CBLB: variants seen among roughly 807,000 people sequenced by gnomAD.
The protein encoded by CBLB is Cbl proto-oncogene B, also known as E3 ubiquitin-protein ligase CBL-B.
CBLB carries 31 observed loss-of-function variants against 104.9 expected under a neutral mutation model. That is an observed-to-expected ratio of 0.30 (90% CI 0.22 to 0.40). CBLB has a LOEUF of 0.40. Among genes scored for constraint, CBLB ranks in the 10% least tolerant of loss-of-function variants. The probability of loss-of-function intolerance (pLI) is 1.00; values close to 1 mark genes in which losing one functional copy is unlikely to be tolerated. For missense variants in CBLB, 1,062 were observed against 1,214.6 expected (o/e 0.87, Z 1.87); for synonymous variants, 440 against 422.6 (o/e 1.04, Z -0.51).
At chr3:105,859,488 A>G (rs2091912236) in intron 2 of CBLB, among the ~76,000 whole-genome samples, 1 of 152,068 alleles carries the variant, frequency 6.6e-6, no homozygotes, top group Non-Finnish European at 1.5e-5. Flanking sequence ...TGTTTCTACT[A>G]AAAATACAAA....
At chr3:105,737,057 T>C (rs1426847923) in intron 8 of CBLB, 114 bp downstream of exon 8, 5 of 475,398 alleles carry the variant, frequency 1.1e-5, no homozygotes, top group African/African-American at 7.9e-5. Flanking sequence ...ATTCCTTAAG[T>C]ATATTTTGTA....
At chr3:105,666,241 A>G (rs905803141) in intron 18 of CBLB, among the ~76,000 whole-genome samples, 3 of 152,166 alleles carry the variant, frequency 2.0e-5, no homozygotes, top group Non-Finnish European at 2.9e-5. Context: ...TATAACAATA[A>G]CAGAATTAGA....
chr3:105,737,531 T>C (rs1421460120), intron 7 of CBLB, among the ~76,000 whole-genome samples: 2 of 152,150 alleles, frequency 1.3e-5, no homozygotes, highest in African/African-American at 2.4e-5. Context: ...ATGTCTCTTA[T>C]ATAAGTTAAG....
At chr3:105,731,016 A>G (rs1353146513) in intron 9 of CBLB, among the ~76,000 whole-genome samples, 2 of 152,224 alleles carry the variant, frequency 1.3e-5, no homozygotes, top group East Asian at 3.8e-4. Context: ...ACAACTTACT[A>G]ACATTACTGA....
chr3:105,658,334 T>G lies in CBLB; in HGVS notation c.*636A>C. The G allele has an allele frequency of 4.5e-6, 1 of 222,448 alleles. No homozygotes were observed. The highest frequency in any genetic ancestry group is 9.0e-6 in the Non-Finnish European group (1 of 111,058). The allele number at this position is 222,448 out of a possible 1,614,324, so 13.8% of individuals were successfully genotyped here. A position where few individuals can be genotyped will look rare whatever the true frequency, so the allele number is the denominator to read the frequency against. On this transcript the variant is annotated 3_prime_UTR_variant, in exon 19 of 19. Transcript: ENST00000394030. ...TAAATGCTTTATACATTCAGGTTTT[T>G]CCCATCTCTCAATAGTGATGGTTTC... is the stretch of plus-strand genomic sequence containing the variant.
At chr3:105,832,382 A>G (rs561277479) in intron 3 of CBLB, among the ~76,000 whole-genome samples, 1 of 152,346 alleles carries the variant, frequency 6.6e-6, no homozygotes, top group East Asian at 1.9e-4. Flanking sequence ...TAACGTGGAA[A>G]GTGGTTTTAC....
At chr3:105,781,162 C>G (rs189825105) in intron 3 of CBLB, among the ~76,000 whole-genome samples, 2 of 152,210 alleles carry the variant, frequency 1.3e-5, no homozygotes, top group East Asian at 3.9e-4. Flanking sequence ...ACGTCATCAT[C>G]TAAGCAACAA....
At chr3:105,796,383 G>C (rs2082258427) in intron 3 of CBLB, among the ~76,000 whole-genome samples, 3 of 152,084 alleles carry the variant, frequency 2.0e-5, no homozygotes, top group Non-Finnish European at 4.4e-5. Context: ...AGGCAAACTG[G>C]CTAGCATGCA....
At chr3:105,835,116 C>G (rs1319853272) in intron 3 of CBLB, among the ~76,000 whole-genome samples, 2 of 152,114 alleles carry the variant, frequency 1.3e-5, no homozygotes, top group African/African-American at 2.4e-5. Context: ...ATTGCTTTTT[C>G]CAGGTTCTTG....
At chr3:105,675,773 T>A (rs567064585) in intron 17 of CBLB, among the ~76,000 whole-genome samples, 1 of 150,670 alleles carries the variant, frequency 6.6e-6, no homozygotes, top group African/African-American at 2.4e-5. Flanking sequence ...TAATCCCAGC[T>A]ACTTAGGGGG....
At chr3:105,841,502 G>A (rs2089542179) in intron 3 of CBLB, among the ~76,000 whole-genome samples, 16 of 151,760 alleles carry the variant, frequency 1.1e-4, no homozygotes, top group Admixed American at 1.0e-3. Flanking sequence ...GCCCAGGCTG[G>A]AGTGCAGTGG....
chr3:105,715,566 G>T (rs959467781), intron 10 of CBLB, among the ~76,000 whole-genome samples: 7 of 152,152 alleles, frequency 4.6e-5, no homozygotes, highest in Non-Finnish European at 1.0e-4. Context: ...CTCATTTAAA[G>T]AATGTAATAT....
At chr3:105,867,861 A>G (rs902418694) in intron 1 of CBLB, among the ~76,000 whole-genome samples, 9 of 150,076 alleles carry the variant, frequency 6.0e-5, no homozygotes, top group African/African-American at 2.2e-4. Context: ...GCTAAGGCTG[A>G]ACTAATACTC....
chr3:105,719,633 T>A (rs924099261), intron 10 of CBLB, among the ~76,000 whole-genome samples: 1 of 152,224 alleles, frequency 6.6e-6, no homozygotes, highest in Non-Finnish European at 1.5e-5. Context: ...CACATATACT[T>A]GTGTACAGTA....
At chr3:105,808,017 C>A (rs933146775) in intron 3 of CBLB, among the ~76,000 whole-genome samples, 1 of 152,080 alleles carries the variant, frequency 6.6e-6, no homozygotes, top group Non-Finnish European at 1.5e-5. Flanking sequence ...AACAAGCCAC[C>A]AATAAGGAAC....
chr3:105,864,460 C>T (rs115698308), intron 2 of CBLB, among the ~76,000 whole-genome samples: 2,261 of 152,308 alleles, frequency 0.015, 27 homozygotes, highest in Non-Finnish European at 0.024. Flanking sequence ...ATTAATACTT[C>T]TATCACTGTA....
chr3:105,678,588 G>A lies in CBLB; in HGVS notation c.2429-17C>T. 3 of 1,609,484 alleles carry A rather than the reference G, an allele frequency of 1.9e-6. No individual in the cohort carries two copies. Among genetic ancestry groups the A allele is most frequent in the Non-Finnish European group, 2.5e-6 (3 of 1,177,270 alleles). On this transcript the variant is annotated splice_polypyrimidine_tract_variant and intron_variant, in intron 16 of 18. Transcript: ENST00000394030. ...CATCTTCACCTGCATTTAAAGAAAG[G>A]TCGATATCAGCAGCAGAACTTCATT...
chr3:105,742,966 ATGTATATAAG>A (rs2075755433), intron 6 of CBLB, among the ~76,000 whole-genome samples: 1 of 152,182 alleles, frequency 6.6e-6, no homozygotes, highest in Non-Finnish European at 1.5e-5. Flanking sequence ...CAAGCAATTC[ATGTATATAAG>A]AGATAGTAAT....
intron 3 of CBLB, among the ~76,000 whole-genome samples, chr3:105,794,958 C>T (rs1478786561): frequency 4.0e-5 from 6 of 151,322 alleles, no homozygotes; most frequent in Non-Finnish European, 5.9e-5. Context: ...ACTCTGTCGC[C>T]GGGCTGGAGT....
Sources: gnomAD v4.1 joint callset for allele counts (sites outside exome capture counted in the v4.1 genomes callset) on GRCh38, gnomAD v4.1.1 for gene constraint, MANE v1.5 for transcripts, NCBI Gene and HGNC (gene_info 2026-07-23, HGNC 2026-07-21) for gene names.